The following ADSL variants were observed in gnomAD, a reference collection of about 807,000 sequenced individuals.
ADSL encodes adenylosuccinate lyase.
In ADSL, 44 loss-of-function variants were observed where a neutral mutation model predicts 62.1. That is an observed-to-expected ratio of 0.71 (90% CI 0.56 to 0.91). The LOEUF (loss-of-function observed/expected upper bound fraction) is 0.91, where lower values mean the gene tolerates loss of function less well. Ranked by LOEUF, ADSL falls within the 40% of genes least tolerant of loss-of-function variation. The pLI, the probability that ADSL is intolerant of heterozygous loss-of-function variation, is 0.00. For synonymous variants in ADSL, 198 were observed against 220.5 expected (o/e 0.90, Z 0.90); for missense variants, 531 against 627.4 (o/e 0.85, Z 1.64).
intron 7 of ADSL, 118 bp from the exon 8 acceptor site, chr22:40,361,155 C>G: frequency 1.0e-6 from 1 of 963,700 alleles, no homozygotes; most frequent in East Asian, 2.4e-5. Flanking sequence ...ATGCGCTGGT[C>G]TTCAGCTCAG....
chr22:40,351,142 G>A (rs189623215), intron 2 of ADSL, among the ~76,000 whole-genome samples: 187 of 151,928 alleles, frequency 1.2e-3, no homozygotes, highest in African/African-American at 4.0e-3. Context: ...CCACAGGCAT[G>A]TGCCACTGCA....
chr22:40,355,292 A>G (rs1168077135), intron 4 of ADSL, among the ~76,000 whole-genome samples: 2 of 151,984 alleles, frequency 1.3e-5, no homozygotes, highest in South Asian at 4.1e-4. Flanking sequence ...ACAGGCGCCT[A>G]CCACCATGCC....
At chr22:40,369,501 T>A (rs1213576241), downstream of ADSL, 1 of 148,698 alleles carries the variant, frequency 6.7e-6, no homozygotes, top group Non-Finnish European at 1.5e-5. Context: ...CATTCATATA[T>A]CTATCTTTTA....
At chr22:40,374,825 C>T (rs2046283392) in intron 2 of ADSL, among the ~76,000 whole-genome samples, 1 of 152,154 alleles carries the variant, frequency 6.6e-6, no homozygotes, top group African/African-American at 2.4e-5. Context: ...GTCGAAGTTG[C>T]AGCCAGCCAT....
In ADSL at chr22:40,369,295, T is replaced by TC. The variant is rs1569108279; in HGVS notation, c.*2775dup. 1 of 152,044 alleles carries TC rather than the reference T, an allele frequency of 6.6e-6. No individual in the cohort carries two copies. The highest frequency in any genetic ancestry group is 1.5e-5 in the Non-Finnish European group (1 of 68,024). 9.4% of individuals were successfully genotyped at this position (152,044 alleles called of 1,614,324 possible). On this transcript the variant is annotated 3_prime_UTR_variant, in exon 13 of 13. Transcript: ENST00000623063. ...TCTTGTCTTCTTTCCTTTTCCATTC[T>TC]CCTTTATTTTTGTATTTACATACTT...
rs771578438 is a variant in ADSL, at chr22:40,346,544, G to A, written c.-15G>A. ...TCCCTGGTCCAGTCCACCCTGGCGG[G>A]GTCGCAGGGTTGGGATGGCGGCTGG... On this transcript the variant is annotated 5_prime_UTR_variant, in exon 1 of 13. Coordinates refer to ENST00000623063, the MANE Select transcript of ADSL (RefSeq NM_000026.4). 1.3e-6 allele frequency: 2 copies of A among 1,599,442 alleles called. No homozygotes were observed. Among genetic ancestry groups the A allele is most frequent in the Admixed American group, 3.4e-5 (2 of 58,556 alleles).
chr22:40,366,352 G>A, intron 12 of ADSL, 84 bp from the exon 13 acceptor site: 2 of 992,592 alleles, frequency 2.0e-6, no homozygotes, highest in Non-Finnish European at 3.2e-6. Context: ...TTAGGTTTCA[G>A]TGGTATCCCC....
chr22:40,372,395 G>GATT (rs2045760616), downstream of ADSL, among the ~76,000 whole-genome samples: 1 of 152,130 alleles, frequency 6.6e-6, no homozygotes. Flanking sequence ...AAAGTGCTGG[G>GATT]ATTACAGGCG....
Position 40,366,540 on chromosome 22 carries a change from A to G in ADSL, c.*18A>G, listed in dbSNP as rs765441307. On this transcript the variant is annotated 3_prime_UTR_variant, in exon 13 of 13. Coordinates refer to ENST00000623063, the MANE Select transcript of ADSL (RefSeq NM_000026.4). ...GTCTGTAGAGTTGGAAGAGAATTAA[A>G]CGAAAATCATTGTTAATTGCTGAGG... 1.9e-6 allele frequency: 3 copies of G among 1,567,272 alleles called. No homozygotes were observed. The highest frequency in any genetic ancestry group is 2.2e-5 in the South Asian group (2 of 90,180).
intron 1 of ADSL, chr22:40,347,226 C>T (rs1228018645): frequency 6.4e-6 from 1 of 157,414 alleles, no homozygotes; most frequent in Non-Finnish European, 1.4e-5. Flanking sequence ...AGAGCCTGAG[C>T]TGAGCACGTA....
In ADSL at chr22:40,350,025, G is replaced by A. The variant is rs768596079; in HGVS notation, c.347G>A (p.Gly116Glu). Residue 116 changes from glycine (G) to glutamate (E), a missense_variant, in exon 2 of 13, where the codon GGA (glycine) becomes GAA (glutamate). Coordinates refer to ENST00000623063, the MANE Select transcript of ADSL (RefSeq NM_000026.4). ...IHLGATSCYVGDNTDLIILRN... is the reference protein window; with the variant it reads ...IHLGATSCYVEDNTDLIILRN... Reference sequence around the variant, plus strand: ...CTTGGTGCTACTTCTTGCTATGTTGGAGACAATACTGTAGGCGCCTGTGTT... The same window carrying A: ...CTTGGTGCTACTTCTTGCTATGTTGAAGACAATACTGTAGGCGCCTGTGTT... 6.2e-7 allele frequency: 1 copy of A among 1,613,884 alleles called. No individual in the cohort carries two copies. Among genetic ancestry groups the A allele is most frequent in the Non-Finnish European group, 8.5e-7 (1 of 1,179,820 alleles).
At chr22:40,359,339 T>C (rs1197278733) in intron 6 of ADSL, 33 bp downstream of exon 6, 1 of 1,608,258 alleles carries the variant, frequency 6.2e-7, no homozygotes, top group East Asian at 2.2e-5. Context: ...GCCTCCCTGT[T>C]AAGTTGATGG....
chr22:40,346,668 G>A lies in ADSL; in HGVS notation c.110G>A (p.Arg37Gln), dbSNP rs905413676. The A allele has an allele frequency of 1.9e-6, 3 of 1,612,738 alleles. No homozygotes were observed. Among genetic ancestry groups the A allele is most frequent in the African/African-American group, 1.3e-5 (1 of 74,920 alleles). ...CFVFSDRYKF[R>Q]TWRQLWLWLA... The stretch of plus-strand genomic sequence containing the variant: ...GTGTTTAGCGACAGGTATAAATTCC[G>A]GACATGGCGGCAGCTGTGGCTGTGG... Residue 37 changes from arginine to glutamine, a missense_variant, in exon 1 of 13, where the codon CGG (arginine) becomes CAG (glutamine). Arg to Gln is a conservative substitution (Grantham distance 43). This residue lies in a region of ADSL where 471 missense variants were observed against 592.9 expected (regional missense o/e 0.79). Transcript: ENST00000623063.
At chr22:40,364,455 A>C in intron 11 of ADSL, 90 bp downstream of exon 11, 1 of 1,114,866 alleles carries the variant, frequency 9.0e-7, no homozygotes, top group South Asian at 1.3e-5. Flanking sequence ...GAAGGTGTTT[A>C]TGTCATTACC....
At chr22:40,348,551 T>G in intron 1 of ADSL, 1 of 398,552 alleles carries the variant, frequency 2.5e-6, no homozygotes, top group Non-Finnish European at 4.4e-6. Context: ...CGGCAAATTT[T>G]TGTGTTGTTT....
chr22:40,354,459 T>TA, intron 4 of ADSL, 132 bp downstream of exon 4: 1 of 797,908 alleles, frequency 1.3e-6, no homozygotes, highest in South Asian at 1.4e-5. Flanking sequence ...TTGGGATGCT[T>TA]ATAAGGAATG....
Position 40,364,766 on chromosome 22 carries a change from G to C in ADSL, c.1192-114G>C, listed in dbSNP as rs756956719. The C allele has an allele frequency of 4.2e-5, 46 of 1,096,756 alleles. 1 individual carries two copies. Among genetic ancestry groups the C allele is most frequent in the Non-Finnish European group, 6.1e-5 (44 of 716,468 alleles). 67.9% of individuals were successfully genotyped at this position (1,096,756 alleles called of 1,614,324 possible). ...GACACAGGAACCACCTCAGCCTAGA[G>C]GGGTTTTGTGTAGAGCTGTGTAGAC... On this transcript the variant is annotated intron_variant, in intron 11 of 12. Transcript: ENST00000623063.
downstream of ADSL, among the ~76,000 whole-genome samples, chr22:40,371,943 C>G (rs2045585021): frequency 6.6e-6 from 1 of 152,084 alleles, no homozygotes; most frequent in Admixed American, 6.6e-5. Flanking sequence ...AGGTGATCCG[C>G]CCGTCTCGGG....
rs749737991 is a variant in ADSL, at chr22:40,360,544, C to CAA, written c.792+53_792+54insAA. The CAA allele has an allele frequency of 3.1e-6, 4 of 1,278,672 alleles. No individual in the cohort carries two copies. The East Asian group carries it at 9.2e-5, about 30-fold the overall frequency. 79.2% of individuals were successfully genotyped at this position (1,278,672 alleles called of 1,614,324 possible). A position where few individuals can be genotyped will look rare whatever the true frequency, so the allele number is the denominator to read the frequency against. On this transcript the variant is annotated intron_variant, in intron 7 of 12. Transcript: ENST00000623063. ...GGACAGGAGCTTTGGGCACCACAGA[C>CAA]AGACTGAATTAACCTCAGACTTTTA...
Sources: gnomAD v4.1 joint callset for allele counts (sites outside exome capture counted in the v4.1 genomes callset) on GRCh38, gnomAD v4.1.1 for gene constraint, gnomAD v4.1.1 regional missense constraint, MANE v1.5 for transcripts, NCBI Gene and HGNC (gene_info 2026-07-23, HGNC 2026-07-21) for gene names.